Variants in PRKD1 observed in about 807,000 individuals in gnomAD.
PRKD1 encodes protein kinase D1.
PRKD1 carries 63 observed loss-of-function variants against 95.9 expected under a neutral mutation model. The ratio of observed to expected loss-of-function variants is 0.66; its 90% CI spans 0.54 to 0.81. The LOEUF (loss-of-function observed/expected upper bound fraction) is 0.81, where lower values mean the gene tolerates loss of function less well. Among genes scored for constraint, PRKD1 ranks in the 30% least tolerant of loss-of-function variants. The probability of loss-of-function intolerance (pLI) is 0.00; values close to 1 mark genes in which losing one functional copy is unlikely to be tolerated. For missense variants in PRKD1, 1,048 were observed against 1,165.3 expected, an observed-to-expected ratio of 0.90 and a Z score of 1.47; for synonymous variants, 425 against 423.1, an observed-to-expected ratio of 1.00 and a Z score of -0.05.
rs992624137 is a variant in PRKD1, at chr14:29,765,787, G to A, written c.265-40113C>T. ...CAAGTCATTAAAACATCTACAGTAC[G>A]ATTCCTTTTATATAAAATTCAAAAA... On this transcript the variant is annotated intron_variant, in intron 1 of 17. Coordinates refer to ENST00000331968, the MANE Select transcript of PRKD1 (RefSeq NM_002742.3). Among the ~76,000 whole-genome samples, 10 of 152,070 alleles carry A rather than the reference G, an allele frequency of 6.6e-5. No individual in the cohort carries two copies. In the East Asian group the frequency reaches 1.3e-3, roughly 21 times the overall value.
At position 29,641,899 on chromosome 14, in the gene PRKD1, T is replaced by C. The variant is rs527707190; in HGVS notation, c.697-2995A>G. On this transcript the variant is annotated intron_variant, in intron 4 of 17. Coordinates refer to ENST00000331968, the MANE Select transcript of PRKD1 (RefSeq NM_002742.3). The stretch of plus-strand genomic sequence containing the variant: ...GCCATCATCCCTTTAAAAATATTTC[T>C]TTTTTTTTTTTTTTTTTTTTTGAGA... Among the ~76,000 whole-genome samples the C allele has an allele frequency of 2.4e-3, 289 of 119,864 alleles. 4 individuals carry two copies. In the East Asian group the frequency reaches 0.051, roughly 21 times the overall value. 78.6% of individuals were successfully genotyped at this position (119,864 alleles called of 152,430 possible).
intron 1 of PRKD1, among the ~76,000 whole-genome samples, chr14:29,896,659 C>G (rs1894138025): frequency 2.1e-5 from 3 of 146,116 alleles, no homozygotes; most frequent in Non-Finnish European, 4.5e-5. Context: ...CTTATTTACA[C>G]AAAATGGTTG....
At chr14:29,896,999 T>G (rs1280088472) in intron 1 of PRKD1, among the ~76,000 whole-genome samples, 2 of 151,750 alleles carry the variant, frequency 1.3e-5, no homozygotes, top group Non-Finnish European at 2.9e-5. Context: ...AAATTTATAA[T>G]TTTTTCATAT....
intron 1 of PRKD1, among the ~76,000 whole-genome samples, chr14:29,895,988 A>T (rs1894111286): frequency 2.0e-5 from 3 of 152,168 alleles, no homozygotes. Flanking sequence ...ATCTCTATCC[A>T]CTAGAATGTA....
intron 1 of PRKD1, among the ~76,000 whole-genome samples, chr14:29,798,376 G>A (rs1384417554): frequency 6.6e-6 from 1 of 152,154 alleles, no homozygotes; most frequent in Non-Finnish European, 1.5e-5. Flanking sequence ...ATGTATACTT[G>A]CATCTGTGGT....
chr14:29,738,401 T>G (rs1325596926), intron 1 of PRKD1, among the ~76,000 whole-genome samples: 1 of 152,158 alleles, frequency 6.6e-6, no homozygotes, highest in Admixed American at 6.5e-5. Flanking sequence ...TGAATGATGT[T>G]CTATCATACA....
At chr14:29,676,052 A>T (rs563768377) in intron 2 of PRKD1, among the ~76,000 whole-genome samples, 6 of 152,028 alleles carry the variant, frequency 3.9e-5, no homozygotes, top group South Asian at 2.1e-4. Context: ...TGGGTGCAGC[A>T]CACCAACATG....
chr14:29,903,398 TTCAA>T (rs1372716328), intron 1 of PRKD1, among the ~76,000 whole-genome samples: 1 of 152,242 alleles, frequency 6.6e-6, no homozygotes, highest in Non-Finnish European at 1.5e-5. Context: ...ATGTATGTTC[TTCAA>T]TCAATTATTC....
In PRKD1 at chr14:29,693,874, T is replaced by C. The variant is rs188274512; in HGVS notation, c.404-27666A>G. On this transcript the variant is annotated intron_variant, in intron 2 of 17. Transcript: ENST00000331968. ...TGCTCAAAAGAGAACTTAGTCCATT[T>C]TGGATAGTCTTTTCAGTAAGATTTT... Among the ~76,000 whole-genome samples the C allele has an allele frequency of 1.6e-3, 238 of 152,328 alleles. 1 individual carries two copies. The highest frequency in any genetic ancestry group is 5.7e-3 in the African/African-American group (235 of 41,576).
chr14:29,820,705 G>C (rs911409439), intron 1 of PRKD1, among the ~76,000 whole-genome samples: 1 of 152,206 alleles, frequency 6.6e-6, no homozygotes, highest in South Asian at 2.1e-4. Context: ...GAATGGCCTT[G>C]TATAACACGC....
chr14:29,638,714 C>T lies in PRKD1; in HGVS notation c.887G>A (p.Arg296Lys). Residue 296 changes from arginine to lysine, a missense_variant, in exon 5 of 18, where the codon AGG becomes AAG. Physicochemically the swap from Arg to Lys is conservative, Grantham distance 26. Around this residue, in one of 3 missense-constraint regions of PRKD1, gnomAD observed 739 missense variants for 861.9 expected, o/e 0.86. Coordinates refer to ENST00000331968, the MANE Select transcript of PRKD1 (RefSeq NM_002742.3). ...CTTACCTTTGCACTGCAAGCCCTGC[C>T]TGAAAAGCCCCTTCAGAAGCTTCTT... ...YCKKLLKGLF[R>K]QGLQCKDCRF... 2 of 1,614,132 alleles carry T rather than the reference C, an allele frequency of 1.2e-6. No individual in the cohort carries two copies. The highest frequency in any genetic ancestry group is 2.7e-5 in the African/African-American group (2 of 75,060).
chr14:29,625,739 T>G (rs1262811945), intron 12 of PRKD1, among the ~76,000 whole-genome samples: 2 of 152,036 alleles, frequency 1.3e-5, no homozygotes, highest in African/African-American at 4.8e-5. Flanking sequence ...ACTTTTTAAA[T>G]TAAAAAGTAC....
chr14:29,927,125 G>T, intron 1 of PRKD1, 124 bp downstream of exon 1: 1 of 1,084,642 alleles, frequency 9.2e-7, no homozygotes. Context: ...CGCTTCCAGA[G>T]CGCCGGCGAG....
At chr14:29,811,776 C>T (rs915260581) in intron 1 of PRKD1, 1 of 152,156 alleles carries the variant, frequency 6.6e-6, no homozygotes, top group Non-Finnish European at 1.5e-5. Context: ...CATTATCCCA[C>T]CAGACTTCAC....
In PRKD1 at chr14:29,775,994, C is replaced by T. The variant is rs980859256; in HGVS notation, c.265-50320G>A. 5.3e-5 allele frequency among the ~76,000 whole-genome samples: 8 copies of T among 152,152 alleles called. No homozygotes were observed. In the South Asian group the frequency reaches 1.0e-3, roughly 20 times the overall value. ...GCAACATTGGCTGTTCTGCAATACT[C>T]GCTCTTCTGCAGCCTCCGTTGGTGG... On this transcript the variant is annotated intron_variant, in intron 1 of 17. Transcript: ENST00000331968.
intron 1 of PRKD1, among the ~76,000 whole-genome samples, chr14:29,732,300 T>C (rs981809923): frequency 6.6e-6 from 1 of 152,132 alleles, no homozygotes; most frequent in African/African-American, 2.4e-5. Flanking sequence ...TCCTTTTCTA[T>C]ATTATTTGAT....
At chr14:29,632,191 C>A (rs577513802) in intron 9 of PRKD1, among the ~76,000 whole-genome samples, 1 of 152,242 alleles carries the variant, frequency 6.6e-6, no homozygotes, top group African/African-American at 2.4e-5. Context: ...AAAATAATAA[C>A]TTTTAAAACA....
intron 1 of PRKD1, among the ~76,000 whole-genome samples, chr14:29,788,351 CTT>C (rs1889368248): frequency 6.6e-6 from 1 of 152,126 alleles, no homozygotes; most frequent in African/African-American, 2.4e-5. Context: ...AGAATTCTCT[CTT>C]TGTCTGTGAC....
At chr14:29,749,303 A>G (rs1210073583) in intron 1 of PRKD1, among the ~76,000 whole-genome samples, 1 of 152,154 alleles carries the variant, frequency 6.6e-6, no homozygotes, top group African/African-American at 2.4e-5. Context: ...AGAAGTAGGG[A>G]AAAAAGGAGG....
Sources: gnomAD v4.1 joint callset for allele counts (sites outside exome capture counted in the v4.1 genomes callset) on GRCh38, gnomAD v4.1.1 for gene constraint, gnomAD v4.1.1 regional missense constraint, MANE v1.5 for transcripts, NCBI Gene and HGNC (gene_info 2026-07-23, HGNC 2026-07-21) for gene names.